EGLN1: variants seen among roughly 807,000 people sequenced by gnomAD.
EGLN1 encodes egl nine homolog 1.
EGLN1 carries 17 observed loss-of-function variants against 38.3 expected under a neutral mutation model. That is an observed-to-expected ratio of 0.44 (90% CI 0.30 to 0.67). The LOEUF (loss-of-function observed/expected upper bound fraction) is 0.67. EGLN1 is among the 30% of genes least tolerant of loss of function. EGLN1 has a pLI of 0.08. For synonymous variants in EGLN1, 283 were observed against 257.5 expected (o/e 1.10, Z -0.95); for missense variants, 477 against 603.3 (o/e 0.79, Z 2.19).
At chr1:231,381,761 C>G (rs1688084781) in intron 1 of EGLN1, among the ~76,000 whole-genome samples, 1 of 152,198 alleles carries the variant, frequency 6.6e-6, no homozygotes, top group Non-Finnish European at 1.5e-5. Context: ...GCTGTCAGAA[C>G]AGAGATCTAC....
In EGLN1 at chr1:231,421,736, C is replaced by T; in HGVS notation, c.153G>A (p.Trp51Ter). 1 of 1,540,740 alleles carries T rather than the reference C, an allele frequency of 6.5e-7. No homozygotes were observed. Among genetic ancestry groups the T allele is most frequent in the Non-Finnish European group, 8.7e-7 (1 of 1,151,788 alleles). ...CCTGGCACACGAGCTTGTGCTTCTT[C>T]CAGTCCTGACGCTGGTGCTCCTTGC... ...YCCKEHQRQD[W>*]KKHKLVCQGS... Residue 51 changes from tryptophan (W) to a stop codon, truncating the protein, a stop_gained, in exon 1 of 5, where the codon TGG becomes TGA. Coordinates refer to ENST00000366641, the MANE Select transcript of EGLN1 (RefSeq NM_022051.3). LOFTEE classifies it high-confidence loss of function. The surrounding 1 kb of genome is among the most constrained non-coding windows in gnomAD (Gnocchi z 5.5).
At chr1:231,384,626 C>T (rs769130316) in intron 1 of EGLN1, among the ~76,000 whole-genome samples, 1 of 152,010 alleles carries the variant, frequency 6.6e-6, no homozygotes, top group Non-Finnish European at 1.5e-5. Context: ...CAGACAACAG[C>T]GTAAGATGAA....
At chr1:231,388,171 A>G (rs1182694753) in intron 1 of EGLN1, among the ~76,000 whole-genome samples, 1 of 152,178 alleles carries the variant, frequency 6.6e-6, no homozygotes, top group African/African-American at 2.4e-5. Context: ...AAAATTGAGT[A>G]CCACTGCTAA....
chr1:231,413,049 A>G (rs538661117), intron 1 of EGLN1, among the ~76,000 whole-genome samples: 1 of 152,178 alleles, frequency 6.6e-6, no homozygotes, highest in East Asian at 1.9e-4. Context: ...TACTCCTTCC[A>G]CTAAAACCAC....
At chr1:231,401,874 G>A (rs796146567) in intron 1 of EGLN1, among the ~76,000 whole-genome samples, 5 of 152,250 alleles carry the variant, frequency 3.3e-5, no homozygotes, top group African/African-American at 1.2e-4. Context: ...AACTTTATGA[G>A]AAATGGCTAA....
chr1:231,405,266 G>A (rs1256732676), intron 1 of EGLN1, among the ~76,000 whole-genome samples: 1 of 152,048 alleles, frequency 6.6e-6, no homozygotes, highest in African/African-American at 2.4e-5. Flanking sequence ...TCCGCCTCCC[G>A]GGTTCACGCC....
At chr1:231,418,062 C>CTACA (rs1689129721) in intron 1 of EGLN1, among the ~76,000 whole-genome samples, 1 of 151,684 alleles carries the variant, frequency 6.6e-6, no homozygotes, top group Non-Finnish European at 1.5e-5. Context: ...GAGAAAAATA[C>CTACA]TACACATTTG....
chr1:231,421,408 T>A lies in EGLN1; in HGVS notation c.481A>T (p.Asn161Tyr). ...GGCGTGTTGCTTGGGGGGTACAGGT[T>A]CGCCTTCTCCTGGAACAGCGATGAG... is the stretch of plus-strand genomic sequence containing the variant. The part of the protein sequence containing the change: ...ARSSLFQEKA[N>Y]LYPPSNTPGD... The change falls in exon 1 of 5, where the codon AAC (asparagine) becomes TAC (tyrosine). Residue 161 changes from asparagine to tyrosine, a missense_variant. This residue lies in a region of EGLN1 where 298 missense variants were observed against 288.9 expected (regional missense o/e 1.03). Coordinates refer to ENST00000366641, the MANE Select transcript of EGLN1 (RefSeq NM_022051.3). This position sits in a 1 kb window ranked among gnomAD's most constrained non-coding sequence, Gnocchi z 5.5. 6.3e-7 allele frequency: 1 copy of A among 1,596,276 alleles called. No individual in the cohort carries two copies. Among genetic ancestry groups the A allele is most frequent in the Non-Finnish European group, 8.6e-7 (1 of 1,169,208 alleles).
chr1:231,395,487 T>C (rs2102920335), intron 1 of EGLN1, among the ~76,000 whole-genome samples: 1 of 152,322 alleles, frequency 6.6e-6, no homozygotes, highest in East Asian at 1.9e-4. Flanking sequence ...TTTCAAACTC[T>C]GGACTCAGAT....
At chr1:231,388,653 G>T (rs1305271158) in intron 1 of EGLN1, among the ~76,000 whole-genome samples, 20 of 34,606 alleles carry the variant, frequency 5.8e-4, no homozygotes, top group Middle Eastern at 0.033. Flanking sequence ...TTGGTTTTTT[G>T]TTGTTGTTGT....
At chr1:231,374,395 G>A (rs1368164017) in intron 1 of EGLN1, among the ~76,000 whole-genome samples, 6 of 152,124 alleles carry the variant, frequency 3.9e-5, no homozygotes. Flanking sequence ...GATCAAGTAC[G>A]TTTTTGTCCT....
intron 1 of EGLN1, among the ~76,000 whole-genome samples, chr1:231,392,904 T>C (rs1363273936): frequency 6.6e-6 from 1 of 152,194 alleles, no homozygotes. Context: ...GCCTGACCTG[T>C]AGTCCTCAGT....
chr1:231,400,091 G>C (rs1454894730), intron 1 of EGLN1, among the ~76,000 whole-genome samples: 1 of 152,134 alleles, frequency 6.6e-6, no homozygotes, highest in Non-Finnish European at 1.5e-5. Context: ...TGGGGTATTA[G>C]AAGGCCTTTT....
intron 3 of EGLN1, 118 bp from the exon 4 acceptor site, chr1:231,367,754 T>G: frequency 5.9e-6 from 5 of 844,110 alleles, no homozygotes; most frequent in South Asian, 1.4e-5. Context: ...TGGAATGATA[T>G]CAAAGGATAA....
chr1:231,394,170 T>G (rs966243500), intron 1 of EGLN1, among the ~76,000 whole-genome samples: 5 of 152,182 alleles, frequency 3.3e-5, no homozygotes, highest in African/African-American at 1.2e-4. Context: ...TCCAATTTAT[T>G]GCAGTTCCCA....
At chr1:231,380,066 C>T (rs1688045743) in intron 1 of EGLN1, among the ~76,000 whole-genome samples, 1 of 151,488 alleles carries the variant, frequency 6.6e-6, no homozygotes, top group Non-Finnish European at 1.5e-5. Flanking sequence ...TTGTGTGGAA[C>T]TCCAAAAAAA....
chr1:231,370,657 G>A lies in EGLN1; in HGVS notation c.1053C>T (p.Ala351=). ...ATTTGGGTTCAATGTCAGCAAACTG[G>A]GCTTTGCCTTCTGGAAAAATTCGAA... ...GILRIFPEGK[A]QFADIEPKFD... Residue 351 remains alanine (A), a synonymous_variant, in exon 3 of 5, where the codon GCC becomes GCT. Transcript: ENST00000366641. 1 of 1,614,042 alleles carries A rather than the reference G, an allele frequency of 6.2e-7. No homozygotes were observed. The highest frequency in any genetic ancestry group is 8.5e-7 in the Non-Finnish European group (1 of 1,180,008).
At chr1:231,395,884 A>G (rs991169789) in intron 1 of EGLN1, among the ~76,000 whole-genome samples, 5 of 152,066 alleles carry the variant, frequency 3.3e-5, no homozygotes, top group African/African-American at 9.7e-5. Context: ...TGACTCATAG[A>G]CACATTAATG....
At chr1:231,408,160 G>A (rs900861547) in intron 1 of EGLN1, among the ~76,000 whole-genome samples, 1 of 152,188 alleles carries the variant, frequency 6.6e-6, no homozygotes, top group Non-Finnish European at 1.5e-5. Context: ...TTTGAGAAAA[G>A]AGAGATCAAA....
Sources: allele counts gnomAD v4.1 joint callset (sites outside exome capture counted in the v4.1 genomes callset), GRCh38; gene constraint gnomAD v4.1.1; regional missense constraint gnomAD v4.1.1; non-coding constraint Gnocchi (gnomAD v3.1); transcripts MANE v1.5; gene names NCBI Gene and HGNC (gene_info 2026-07-23, HGNC 2026-07-21).